Variants in TMTC4 observed in about 807,000 individuals in gnomAD.
The protein encoded by TMTC4 is transmembrane O-mannosyltransferase targeting cadherins 4, also known as protein O-mannosyl-transferase TMTC4.
TMTC4 carries 65 observed loss-of-function variants against 86.0 expected under a neutral mutation model. The ratio of observed to expected loss-of-function variants is 0.76; its 90% CI spans 0.62 to 0.93. TMTC4 has a LOEUF of 0.93. TMTC4 is among the 40% of genes least tolerant of loss of function. The pLI, the probability that TMTC4 is intolerant of heterozygous loss-of-function variation, is 0.00. For synonymous variants in TMTC4, 379 were observed against 382.5 expected, an observed-to-expected ratio of 0.99 and a Z score of 0.11; for missense variants, 866 against 948.1, an observed-to-expected ratio of 0.91 and a Z score of 1.14.
chr13:100,618,551 G>A (rs1048823276), intron 15 of TMTC4, among the ~76,000 whole-genome samples: 1 of 150,882 alleles, frequency 6.6e-6, no homozygotes, highest in Non-Finnish European at 1.5e-5. Context: ...GGATTTGGCA[G>A]GGTCATAGGA....
chr13:100,632,049 ACACACTCTCTCTCTCTCTCTCT>A (rs1163318965), intron 12 of TMTC4, among the ~76,000 whole-genome samples: 12 of 77,366 alleles, frequency 1.6e-4, no homozygotes, highest in Non-Finnish European at 1.8e-4. Flanking sequence ...ACACACACAC[ACACACTCTCTCTCTCTCTCTCT>A]CTCTCTCTCT....
At chr13:100,646,053 T>G (rs1369666737) in intron 6 of TMTC4, among the ~76,000 whole-genome samples, 1 of 152,076 alleles carries the variant, frequency 6.6e-6, no homozygotes, top group Non-Finnish European at 1.5e-5. Flanking sequence ...GGGTGTGTGG[T>G]CCATGAACCT....
chr13:100,635,010 C>A lies in TMTC4; in HGVS notation c.1374+14G>T. On this transcript the variant is annotated intron_variant, in intron 11 of 18. Coordinates refer to ENST00000342624, the MANE Select transcript of TMTC4 (RefSeq NM_032813.5). ...TCATTCTGTTCATCAGCTGGCACCA[C>A]TCTCAGTTGATACCTTTTTCTTGGT... 2 of 1,609,964 alleles carry A rather than the reference C, an allele frequency of 1.2e-6. No homozygotes were observed. Among genetic ancestry groups the A allele is most frequent in the Non-Finnish European group, 8.5e-7 (1 of 1,177,246 alleles).
chr13:100,627,444 G>A (rs892710266), intron 12 of TMTC4, among the ~76,000 whole-genome samples: 1 of 152,174 alleles, frequency 6.6e-6, no homozygotes, highest in Non-Finnish European at 1.5e-5. Flanking sequence ...CACCGGCTGA[G>A]GGAAGAGACT....
upstream of TMTC4, chr13:100,674,887 C>A: frequency 6.1e-6 from 6 of 982,264 alleles, no homozygotes; most frequent in South Asian, 2.4e-4. Context: ...CGCAGCTCCC[C>A]ACGCGCGCGG....
chr13:100,674,250 C>A, intron 1 of TMTC4: 3 of 979,686 alleles, frequency 3.1e-6, no homozygotes, highest in Non-Finnish European at 3.6e-6. Context: ...CGCGGCGCGG[C>A]GGGGGAGCCG....
At chr13:100,656,917 G>A (rs1296795918) in intron 5 of TMTC4, among the ~76,000 whole-genome samples, 3 of 152,148 alleles carry the variant, frequency 2.0e-5, no homozygotes, top group Non-Finnish European at 4.4e-5. Flanking sequence ...AATACATGAT[G>A]TAGCTGTGCA....
intron 6 of TMTC4, among the ~76,000 whole-genome samples, chr13:100,643,962 G>A (rs1264700807): frequency 6.6e-6 from 1 of 152,138 alleles, no homozygotes; most frequent in Middle Eastern, 3.2e-3. Context: ...GTGTTTGTGT[G>A]TGTCCTGCAG....
chr13:100,672,814 A>C (rs1887296068), intron 1 of TMTC4, among the ~76,000 whole-genome samples: 1 of 152,138 alleles, frequency 6.6e-6, no homozygotes, highest in Non-Finnish European at 1.5e-5. Context: ...TACAGTCAGG[A>C]CATGAAATAG....
intron 6 of TMTC4, among the ~76,000 whole-genome samples, chr13:100,647,149 A>G (rs1883861624): frequency 6.6e-6 from 1 of 152,032 alleles, no homozygotes; most frequent in Admixed American, 6.5e-5. Flanking sequence ...CCCGTGACAC[A>G]TGTTCCTGAG....
At chr13:100,654,409 T>C (rs1256104833) in intron 6 of TMTC4, among the ~76,000 whole-genome samples, 1 of 152,222 alleles carries the variant, frequency 6.6e-6, no homozygotes, top group Admixed American at 6.5e-5. Context: ...ATGTCAGTAT[T>C]GAAATATACT....
chr13:100,654,601 A>G (rs1179655529), intron 6 of TMTC4, among the ~76,000 whole-genome samples: 2 of 152,046 alleles, frequency 1.3e-5, no homozygotes, highest in African/African-American at 4.8e-5. Context: ...ATATATATTA[A>G]TATACAAATT....
chr13:100,673,574 C>T (rs988514020), intron 1 of TMTC4, among the ~76,000 whole-genome samples: 4 of 152,196 alleles, frequency 2.6e-5, no homozygotes, highest in Admixed American at 2.0e-4. Flanking sequence ...AAGGCAGGGG[C>T]GCGAGCCACC....
chr13:100,613,534 A>G (rs1566561579), intron 16 of TMTC4, among the ~76,000 whole-genome samples: 1 of 152,076 alleles, frequency 6.6e-6, no homozygotes, highest in Non-Finnish European at 1.5e-5. Context: ...AAGTCCCTGA[A>G]CTTGGGGCAT....
At chr13:100,618,923 C>G (rs867658095) in intron 15 of TMTC4, among the ~76,000 whole-genome samples, 148 of 152,342 alleles carry the variant, frequency 9.7e-4, no homozygotes, top group African/African-American at 3.4e-3. Context: ...TCCGATTTCT[C>G]AATCTTTTCC....
intron 6 of TMTC4, among the ~76,000 whole-genome samples, chr13:100,642,933 T>C (rs1025563871): frequency 3.9e-5 from 6 of 152,174 alleles, no homozygotes; most frequent in African/African-American, 1.4e-4. Context: ...CAGGCTGGGC[T>C]GCCAATCTGC....
chr13:100,622,669 T>C (rs1027570663), intron 15 of TMTC4, among the ~76,000 whole-genome samples: 3 of 152,198 alleles, frequency 2.0e-5, no homozygotes, highest in East Asian at 1.9e-4. Context: ...TGTGAGTCCA[T>C]TAAACCTCTT....
At chr13:100,631,278 T>C (rs1881321210) in intron 12 of TMTC4, among the ~76,000 whole-genome samples, 1 of 152,232 alleles carries the variant, frequency 6.6e-6, no homozygotes, top group Non-Finnish European at 1.5e-5. Flanking sequence ...AGGGCTAAAC[T>C]AATTTGTTAT....
At position 100,614,365 on chromosome 13, in the gene TMTC4, T is replaced by C. The variant is rs747271582; in HGVS notation, c.1902A>G (p.Pro634=). 1.2e-6 allele frequency: 2 copies of C among 1,614,010 alleles called. No individual in the cohort carries two copies. The highest frequency in any genetic ancestry group is 2.2e-5 in the South Asian group (2 of 91,070). The change falls in exon 16 of 19, where the codon CCA becomes CCG. Residue 634 remains proline, a synonymous_variant. Coordinates refer to ENST00000342624, the MANE Select transcript of TMTC4 (RefSeq NM_032813.5). ...NAWRNATVLK[P]EHSLAWNNMI... ...TGTTGTTCCAGGCCAGGCTGTGCTC[T>C]GGTTTCAGCACGGTGGCATTTCTCC...
Sources: gnomAD v4.1 joint callset for allele counts (sites outside exome capture counted in the v4.1 genomes callset) on GRCh38, gnomAD v4.1.1 for gene constraint, MANE v1.5 for transcripts, NCBI Gene and HGNC (gene_info 2026-07-23, HGNC 2026-07-21) for gene names.